ATP6V0D2: variants seen among roughly 807,000 people sequenced by gnomAD.
The protein encoded by ATP6V0D2 is V-type proton ATPase subunit d 2.
In ATP6V0D2, 40 loss-of-function variants were observed where a neutral mutation model predicts 40.0. The ratio of observed to expected loss-of-function variants is 1.00; its 90% CI spans 0.78 to 1.30. The LOEUF (loss-of-function observed/expected upper bound fraction) is 1.30. Among genes scored for constraint, ATP6V0D2 ranks in the 50% most tolerant of loss-of-function variants. The pLI is 0.00. For missense variants in ATP6V0D2, 470 were observed against 423.1 expected, an observed-to-expected ratio of 1.11 and a Z score of -0.97; for synonymous variants, 179 against 156.3, an observed-to-expected ratio of 1.15 and a Z score of -1.08.
intron 2 of ATP6V0D2, among the ~76,000 whole-genome samples, chr8:86,118,201 C>G (rs1344864866): frequency 6.8e-6 from 1 of 146,958 alleles, no homozygotes; most frequent in Non-Finnish European, 1.5e-5. Flanking sequence ...GTTGGAATTA[C>G]AGGCGCACGC....
At chr8:86,138,863 AG>A (rs1818931532) in intron 2 of ATP6V0D2, among the ~76,000 whole-genome samples, 1 of 152,192 alleles carries the variant, frequency 6.6e-6, no homozygotes, top group African/African-American at 2.4e-5. Flanking sequence ...ATGACTGTGG[AG>A]GGGCTTCTTC....
intron 5 of ATP6V0D2, among the ~76,000 whole-genome samples, chr8:86,149,451 G>A (rs1043841774): frequency 5.5e-4 from 84 of 152,158 alleles, no homozygotes; most frequent in Admixed American, 1.8e-3. Context: ...CTACCTGGAA[G>A]ATCATGTAGC....
intron 2 of ATP6V0D2, among the ~76,000 whole-genome samples, chr8:86,133,925 TC>T (rs1818862655): frequency 6.6e-6 from 1 of 151,398 alleles, no homozygotes; most frequent in Non-Finnish European, 1.5e-5. Context: ...GGCTGAAAAT[TC>T]CCCCCATTTG....
chr8:86,126,718 T>G (rs960518396), intron 2 of ATP6V0D2, among the ~76,000 whole-genome samples: 1 of 152,120 alleles, frequency 6.6e-6, no homozygotes, highest in Admixed American at 6.6e-5. Flanking sequence ...ATTGAAAAGC[T>G]TCATGAAAAA....
rs1818994235 is a variant in ATP6V0D2, at chr8:86,142,858, G to A, written c.562-19G>A. The A allele has an allele frequency of 6.8e-7, 1 of 1,473,280 alleles. No homozygotes were observed. Among genetic ancestry groups the A allele is most frequent in the Non-Finnish European group, 9.4e-7 (1 of 1,062,056 alleles). The allele number at this position is 1,473,280 out of a possible 1,614,324, so 91.3% of individuals were successfully genotyped here. A position where few individuals can be genotyped will look rare whatever the true frequency, so the allele number is the denominator to read the frequency against. On this transcript the variant is annotated intron_variant, in intron 4 of 7. Coordinates refer to ENST00000285393, the MANE Select transcript of ATP6V0D2 (RefSeq NM_152565.1). ...ATATATATTCATTATATCACTTTATGATCTTTTTTCTTTTTAAGTCTTACC... is the reference window on the plus strand; with the variant it reads ...ATATATATTCATTATATCACTTTATAATCTTTTTTCTTTTTAAGTCTTACC...
intron 2 of ATP6V0D2, among the ~76,000 whole-genome samples, chr8:86,118,078 TTTCTTTC>T (rs1818617567): frequency 9.2e-6 from 1 of 108,754 alleles, no homozygotes; most frequent in African/African-American, 3.8e-5. Flanking sequence ...TCCTTCTTTC[TTTCTTTC>T]TTTTTTTTTT....
Position 86,154,045 on chromosome 8 carries a change from G to A in ATP6V0D2, c.*1068G>A, listed in dbSNP as rs1314239859. On this transcript the variant is annotated 3_prime_UTR_variant, in exon 8 of 8. Transcript: ENST00000285393. ...AGCCTCCCAAAGTGCTGGGATTACAGGCCCCTTGTTCAGCCACTGCACCTG... is the reference window on the plus strand; with the variant it reads ...AGCCTCCCAAAGTGCTGGGATTACAAGCCCCTTGTTCAGCCACTGCACCTG... 1 of 152,128 alleles carries A rather than the reference G, an allele frequency of 6.6e-6. No homozygotes were observed. The highest frequency in any genetic ancestry group is 1.5e-5 in the Non-Finnish European group (1 of 68,068). The allele number at this position is 152,128 out of a possible 1,614,324, so 9.4% of individuals were successfully genotyped here. A position where few individuals can be genotyped will look rare whatever the true frequency, so the allele number is the denominator to read the frequency against.
intron 1 of ATP6V0D2, among the ~76,000 whole-genome samples, chr8:86,103,492 C>A (rs1818430115): frequency 1.3e-5 from 2 of 151,972 alleles, no homozygotes; most frequent in African/African-American, 4.8e-5. Context: ...CTGATTATAT[C>A]TCACTAACAA....
At chr8:86,126,877 G>A (rs1351875146) in intron 2 of ATP6V0D2, among the ~76,000 whole-genome samples, 1 of 152,160 alleles carries the variant, frequency 6.6e-6, no homozygotes, top group Non-Finnish European at 1.5e-5. Flanking sequence ...GACCAAGATT[G>A]TAGAGAATCT....
At chr8:86,100,363 G>T (rs1393052533) in intron 1 of ATP6V0D2, among the ~76,000 whole-genome samples, 1 of 152,094 alleles carries the variant, frequency 6.6e-6, no homozygotes, top group Non-Finnish European at 1.5e-5. Flanking sequence ...GATTATTCTA[G>T]AAAAGGCAAG....
At chr8:86,101,656 T>A (rs919880237) in intron 1 of ATP6V0D2, among the ~76,000 whole-genome samples, 2 of 152,110 alleles carry the variant, frequency 1.3e-5, no homozygotes, top group African/African-American at 4.8e-5. Flanking sequence ...CTGAATCTGG[T>A]ATCTTCATTT....
chr8:86,141,510 T>C lies in ATP6V0D2; in HGVS notation c.542T>C (p.Leu181Pro). ...CTAGATGAACTGAATATTGAATTGC[T>C]ACGCAATAAACTATACAAGGTAATG... ...NALDELNIEL[L>P]RNKLYKSYLE... The change falls in exon 4 of 8, where the codon CTA becomes CCA. Residue 181 changes from leucine to proline, a missense_variant. Transcript: ENST00000285393. 1.9e-6 allele frequency: 3 copies of C among 1,607,440 alleles called. No homozygotes were observed. Among genetic ancestry groups the C allele is most frequent in the Non-Finnish European group, 1.7e-6 (2 of 1,175,602 alleles).
chr8:86,127,206 G>A (rs553533517), intron 2 of ATP6V0D2, among the ~76,000 whole-genome samples: 8 of 152,158 alleles, frequency 5.3e-5, no homozygotes, highest in Non-Finnish European at 1.0e-4. Context: ...AGGAAATCAC[G>A]CGATATGACA....
intron 2 of ATP6V0D2, among the ~76,000 whole-genome samples, chr8:86,138,605 G>A (rs1206596679): frequency 6.6e-6 from 1 of 152,122 alleles, no homozygotes; most frequent in Non-Finnish European, 1.5e-5. Flanking sequence ...AATAAACTCG[G>A]GGATGTGAGG....
chr8:86,103,291 ATTT>A (rs938035037), intron 1 of ATP6V0D2, among the ~76,000 whole-genome samples: 5 of 107,436 alleles, frequency 4.7e-5, no homozygotes, highest in Admixed American at 1.8e-4. Context: ...CTAGTTTTGT[ATTT>A]TTTTTTTTTT....
At position 86,137,348 on chromosome 8, in the gene ATP6V0D2, C is replaced by G. The variant is rs185702319; in HGVS notation, c.303-2109C>G. Among the ~76,000 whole-genome samples the G allele has an allele frequency of 2.1e-3, 324 of 152,280 alleles. 2 individuals carry two copies. Among genetic ancestry groups the G allele is most frequent in the African/African-American group, 7.4e-3 (308 of 41,554 alleles). On this transcript the variant is annotated intron_variant, in intron 2 of 7. Coordinates refer to ENST00000285393, the MANE Select transcript of ATP6V0D2 (RefSeq NM_152565.1). ...CTTCCTAAAATTCTCTCCCCTGATT[C>G]TCCTTCCCCCATCTAGTCATCCCTC...
At chr8:86,126,236 C>CTATATATATATATATATATA (rs60590702) in intron 2 of ATP6V0D2, among the ~76,000 whole-genome samples, 2,121 of 76,648 alleles carry the variant, frequency 0.028, 177 homozygotes, top group Non-Finnish European at 0.036. Context: ...CGTGCTCAGC[C>CTATATATATATATATATATA]TATATATATA....
At chr8:86,118,514 G>C (rs13268295) in intron 2 of ATP6V0D2, among the ~76,000 whole-genome samples, 2 of 152,114 alleles carry the variant, frequency 1.3e-5, no homozygotes, top group South Asian at 4.1e-4. Context: ...CTCACAGAAC[G>C]TATTCCTCCT....
chr8:86,142,447 C>G (rs1427036194), intron 4 of ATP6V0D2, among the ~76,000 whole-genome samples: 1 of 152,234 alleles, frequency 6.6e-6, no homozygotes, highest in Admixed American at 6.5e-5. Context: ...CTCAGGCAGT[C>G]TGACCCTACA....
Sources: gnomAD v4.1 joint callset for allele counts (sites outside exome capture counted in the v4.1 genomes callset) on GRCh38, gnomAD v4.1.1 for gene constraint, MANE v1.5 for transcripts, NCBI Gene and HGNC (gene_info 2026-07-23, HGNC 2026-07-21) for gene names.